The following SCAMP1 variants were observed in gnomAD, a reference collection of about 807,000 sequenced individuals.
SCAMP1 encodes secretory carrier membrane protein 1, also known as secretory carrier-associated membrane protein 1.
In SCAMP1, 15 loss-of-function variants were observed where a neutral mutation model predicts 41.8. That is an observed-to-expected ratio of 0.36 (90% CI 0.24 to 0.55). SCAMP1 has a LOEUF of 0.55. SCAMP1 is among the 20% of genes least tolerant of loss of function. The pLI is 0.86. For synonymous variants in SCAMP1, 135 were observed against 136.8 expected (o/e 0.99, Z 0.09); for missense variants, 341 against 412.6 (o/e 0.83, Z 1.50).
At chr5:78,461,136 C>T (rs983712392) in intron 8 of SCAMP1, among the ~76,000 whole-genome samples, 6 of 152,072 alleles carry the variant, frequency 3.9e-5, no homozygotes, top group Non-Finnish European at 7.4e-5. Context: ...CATGAGCCAC[C>T]ACGCCCAGCC....
chr5:78,459,307 T>C lies in SCAMP1; in HGVS notation c.797T>C (p.Ile266Thr), dbSNP rs1753521998. 1 of 1,609,444 alleles carries C rather than the reference T, an allele frequency of 6.2e-7. No individual in the cohort carries two copies. The highest frequency in any genetic ancestry group is 8.5e-7 in the Non-Finnish European group (1 of 1,176,356). The part of the protein sequence containing the change: ...QNIPVGIMMI[I>T]IAALFTASAV... ...ATTCCTGTTGGAATCATGATGATAA[T>C]CATAGCAGCACTTTTCACAGCATCA... The change falls in exon 8 of 9, where the codon ATC becomes ACC. Residue 266 changes from isoleucine to threonine, a missense_variant. By Grantham distance (89) the Ile-to-Thr change is moderately conservative. Coordinates refer to ENST00000621999, the MANE Select transcript of SCAMP1 (RefSeq NM_004866.6).
At chr5:78,428,534 A>ATAGT (rs1277126350) in intron 6 of SCAMP1, among the ~76,000 whole-genome samples, 3 of 152,134 alleles carry the variant, frequency 2.0e-5, no homozygotes, top group Admixed American at 2.0e-4. Context: ...ATGTTGCTTT[A>ATAGT]TAGTTAGTCA....
chr5:78,447,242 A>G (rs1043708623), intron 6 of SCAMP1, among the ~76,000 whole-genome samples: 2 of 152,246 alleles, frequency 1.3e-5, no homozygotes, highest in Non-Finnish European at 2.9e-5. Context: ...TAATGTATTC[A>G]TGTTAACTCA....
intron 6 of SCAMP1, among the ~76,000 whole-genome samples, chr5:78,447,831 CCCTCCCTTCTT>C (rs1753091073): frequency 8.2e-6 from 1 of 122,542 alleles, no homozygotes; most frequent in Non-Finnish European, 1.7e-5. Flanking sequence ...CCTCTCCCTC[CCCTCCCTTCTT>C]TCCCCTCCCT....
intron 1 of SCAMP1, among the ~76,000 whole-genome samples, chr5:78,375,109 AG>A (rs1226912701): frequency 6.6e-6 from 1 of 152,072 alleles, no homozygotes; most frequent in Non-Finnish European, 1.5e-5. Context: ...AATTGAACTC[AG>A]GGGAGGGCCT....
chr5:78,419,883 A>T (rs1238645584), intron 5 of SCAMP1, among the ~76,000 whole-genome samples: 1 of 152,044 alleles, frequency 6.6e-6, no homozygotes, highest in Non-Finnish European at 1.5e-5. Context: ...ATTTTTCGAG[A>T]TATTCTTGAT....
At chr5:78,462,229 C>G (rs1194241363) in intron 8 of SCAMP1, among the ~76,000 whole-genome samples, 23 of 111,172 alleles carry the variant, frequency 2.1e-4, no homozygotes, top group Non-Finnish European at 3.4e-4. Context: ...GTGTGTGTGT[C>G]TATTGTAAAT....
intron 6 of SCAMP1, among the ~76,000 whole-genome samples, chr5:78,430,110 A>G (rs62364264): frequency 0.27 from 9,353 of 34,532 alleles, 1,630 homozygotes; most frequent in East Asian, 0.57. Context: ...TACAGTATTT[A>G]TTTATAAATA....
At chr5:78,434,323 A>T (rs1177236774) in intron 6 of SCAMP1, among the ~76,000 whole-genome samples, 1 of 152,046 alleles carries the variant, frequency 6.6e-6, no homozygotes. Flanking sequence ...TCTTTGAGTT[A>T]TTTTTGGGGT....
intron 1 of SCAMP1, among the ~76,000 whole-genome samples, chr5:78,375,168 T>A (rs1751036186): frequency 6.6e-6 from 1 of 152,152 alleles, no homozygotes; most frequent in Non-Finnish European, 1.5e-5. Flanking sequence ...AGTGTAAGTG[T>A]ATAGTCTTGA....
chr5:78,373,841 C>T (rs918214122), intron 1 of SCAMP1, among the ~76,000 whole-genome samples: 1 of 152,012 alleles, frequency 6.6e-6, no homozygotes, highest in Non-Finnish European at 1.5e-5. Flanking sequence ...TTTGAGTGGA[C>T]CTAATGGTAT....
intron 6 of SCAMP1, among the ~76,000 whole-genome samples, chr5:78,430,101 AC>A (rs1409889894): frequency 2.0e-4 from 13 of 66,198 alleles, no homozygotes; most frequent in Admixed American, 2.9e-4. Flanking sequence ...ATTTATAAAT[AC>A]AGTATTTATT....
At chr5:78,379,248 A>T (rs546875693) in intron 1 of SCAMP1, among the ~76,000 whole-genome samples, 1 of 152,374 alleles carries the variant, frequency 6.6e-6, no homozygotes, top group South Asian at 2.1e-4. Context: ...ATCATAGCAA[A>T]GATTGGAAAT....
chr5:78,406,710 T>C (rs1561263444), intron 2 of SCAMP1, among the ~76,000 whole-genome samples: 2 of 152,182 alleles, frequency 1.3e-5, no homozygotes, highest in African/African-American at 2.4e-5. Context: ...AAGAGGCAAA[T>C]GTAGTAAGGT....
chr5:78,449,321 A>G (rs1753157611), intron 6 of SCAMP1, among the ~76,000 whole-genome samples: 1 of 152,220 alleles, frequency 6.6e-6, no homozygotes, highest in Non-Finnish European at 1.5e-5. Flanking sequence ...AAAAGGAATG[A>G]ACTTTTGATA....
intron 3 of SCAMP1, 142 bp from the exon 4 acceptor site, chr5:78,416,399 A>G (rs960782363): frequency 1.8e-5 from 10 of 566,352 alleles, no homozygotes; most frequent in Admixed American, 7.4e-5. Context: ...TTCTGTAACT[A>G]TGATCTTCAG....
intron 6 of SCAMP1, among the ~76,000 whole-genome samples, chr5:78,448,267 A>G (rs1753121183): frequency 6.8e-6 from 1 of 146,692 alleles, no homozygotes; most frequent in African/African-American, 2.5e-5. Flanking sequence ...CCTAGCCTCA[A>G]GCAGTCCTCT....
At chr5:78,438,434 A>G (rs1413126993) in intron 6 of SCAMP1, among the ~76,000 whole-genome samples, 3 of 152,224 alleles carry the variant, frequency 2.0e-5, no homozygotes, top group Non-Finnish European at 4.4e-5. Context: ...CATTGGTTTC[A>G]AAGAACATTT....
intron 1 of SCAMP1, among the ~76,000 whole-genome samples, chr5:78,372,504 A>G (rs905480918): frequency 3.9e-5 from 6 of 152,126 alleles, no homozygotes; most frequent in Non-Finnish European, 8.8e-5. Flanking sequence ...GCCTACCATG[A>G]CATTGAAAAG....
Sources: allele counts gnomAD v4.1 joint callset (sites outside exome capture counted in the v4.1 genomes callset), GRCh38; gene constraint gnomAD v4.1.1; transcripts MANE v1.5; gene names NCBI Gene and HGNC (gene_info 2026-07-23, HGNC 2026-07-21).